Variants in LRRC4C observed in about 807,000 individuals in gnomAD.
The protein encoded by LRRC4C is leucine-rich repeat-containing protein 4C.
A neutral mutation model predicts 33.6 loss-of-function variants in LRRC4C; 5 were observed. The observed-to-expected ratio is 0.15, with a 90% confidence interval of 0.08 to 0.31. The LOEUF is 0.31. LRRC4C is among the 10% of genes least tolerant of loss of function. LRRC4C has a pLI of 1.00. For missense variants in LRRC4C, 560 were observed against 796.7 expected (o/e 0.70, Z 3.58); for synonymous variants, 329 against 302.0 (o/e 1.09, Z -0.93).
chr11:40,859,804 C>T (rs1268224229), intron 2 of LRRC4C, among the ~76,000 whole-genome samples: 3 of 152,104 alleles, frequency 2.0e-5, no homozygotes, highest in Non-Finnish European at 2.9e-5. Context: ...AGGCCGGACG[C>T]GGTGGCTCAC....
rs189246475 is a variant in LRRC4C at position 40,304,040 on chromosome 11, C to T, written c.-176+15588G>A. 3.0e-3 allele frequency among the ~76,000 whole-genome samples: 463 copies of T among 152,274 alleles called. 2 individuals carry two copies. Among genetic ancestry groups the T allele is most frequent in the Non-Finnish European group, 5.1e-3 (344 of 68,020 alleles). ...TCTTACAAACACTTGCTCAAAGGTT[C>T]CTTTTGCAGTAAAATACAACATTGA... On this transcript the variant is annotated intron_variant, in intron 4 of 6. Transcript: ENST00000528697.
intron 5 of LRRC4C, among the ~76,000 whole-genome samples, chr11:40,188,924 C>T (rs1013453846): frequency 3.3e-5 from 5 of 152,194 alleles, no homozygotes; most frequent in African/African-American, 1.2e-4. Context: ...TAAATTTTGG[C>T]ATTAAATTAC....
intron 2 of LRRC4C, among the ~76,000 whole-genome samples, chr11:40,876,564 T>A (rs1954902290): frequency 6.6e-6 from 1 of 152,072 alleles, no homozygotes; most frequent in Admixed American, 6.6e-5. Flanking sequence ...GTTTTGTGAC[T>A]CATCCTGTGT....
At chr11:40,358,236 A>G (rs999749818) in intron 3 of LRRC4C, among the ~76,000 whole-genome samples, 2 of 152,070 alleles carry the variant, frequency 1.3e-5, no homozygotes, top group African/African-American at 4.8e-5. Context: ...GGAAATAGAG[A>G]GAAGTAAGGC....
intron 2 of LRRC4C, among the ~76,000 whole-genome samples, chr11:40,843,687 C>G (rs879624187): frequency 3.3e-5 from 5 of 152,124 alleles, no homozygotes; most frequent in Non-Finnish European, 7.4e-5. Flanking sequence ...ATTCCTAAAC[C>G]ATTTATTCCA....
intron 3 of LRRC4C, among the ~76,000 whole-genome samples, chr11:40,449,781 A>G (rs1424598437): frequency 6.6e-6 from 1 of 152,206 alleles, no homozygotes; most frequent in Non-Finnish European, 1.5e-5. Flanking sequence ...TTGAAATTAC[A>G]TGTTTGAACA....
chr11:41,069,903 T>C (rs1438488432), intron 1 of LRRC4C, among the ~76,000 whole-genome samples: 1 of 152,024 alleles, frequency 6.6e-6, no homozygotes, highest in Non-Finnish European at 1.5e-5. Flanking sequence ...CTTCACAGAA[T>C]TAGAAAAAAA....
chr11:40,776,206 G>A (rs1196712139), intron 2 of LRRC4C, among the ~76,000 whole-genome samples: 1 of 151,684 alleles, frequency 6.6e-6, no homozygotes, highest in Non-Finnish European at 1.5e-5. Flanking sequence ...TTGCATCTGT[G>A]TTCATCAGAA....
chr11:41,169,200 T>C (rs1000997554), intron 1 of LRRC4C, among the ~76,000 whole-genome samples: 3 of 152,218 alleles, frequency 2.0e-5, no homozygotes, highest in African/African-American at 7.2e-5. Flanking sequence ...TTCAAAACAT[T>C]GCTTATGCCA....
intron 5 of LRRC4C, among the ~76,000 whole-genome samples, chr11:40,195,579 G>A (rs1412071610): frequency 6.6e-6 from 1 of 151,940 alleles, no homozygotes; most frequent in Non-Finnish European, 1.5e-5. Context: ...GGGGAAAAGG[G>A]AGAAATTGTT....
chr11:40,862,918 C>T (rs2135861991), intron 2 of LRRC4C, among the ~76,000 whole-genome samples: 2 of 152,274 alleles, frequency 1.3e-5, no homozygotes, highest in South Asian at 4.1e-4. Flanking sequence ...GGAGGAAGAT[C>T]TTATTTCTTT....
chr11:40,798,691 T>G (rs1479632765), intron 2 of LRRC4C, among the ~76,000 whole-genome samples: 1 of 151,088 alleles, frequency 6.6e-6, no homozygotes, highest in Non-Finnish European at 1.5e-5. Flanking sequence ...CTGCCCAGGC[T>G]GGAGTACAAT....
chr11:40,521,797 A>G (rs903140282), intron 3 of LRRC4C, among the ~76,000 whole-genome samples: 2 of 152,068 alleles, frequency 1.3e-5, no homozygotes, highest in African/African-American at 2.4e-5. Flanking sequence ...TGAACCTGGG[A>G]GCTGGAAATT....
Position 40,786,338 on chromosome 11 carries a change from A to G in LRRC4C, c.-406-138060T>C, listed in dbSNP as rs1189281891. Among the ~76,000 whole-genome samples the G allele has an allele frequency of 5.3e-5, 8 of 152,314 alleles. No homozygotes were observed. In the East Asian group the frequency reaches 1.4e-3, roughly 26 times the overall value. On this transcript the variant is annotated intron_variant, in intron 2 of 6. Coordinates refer to ENST00000528697, the MANE Select transcript of LRRC4C (RefSeq NM_001258419.2). ...TATGACTTGAGCAGATGCTTGAGAT[A>G]TGCTTGTGCAGTTGAGCTTGCCATA... is the stretch of plus-strand genomic sequence containing the variant.
intron 1 of LRRC4C, among the ~76,000 whole-genome samples, chr11:41,264,769 G>A (rs139169879): frequency 4.9e-4 from 75 of 152,236 alleles, no homozygotes; most frequent in African/African-American, 1.7e-3. Context: ...TAGAAAGAGA[G>A]GATAGACATA....
intron 1 of LRRC4C, among the ~76,000 whole-genome samples, chr11:41,210,831 G>A (rs751694338): frequency 6.6e-6 from 1 of 152,166 alleles, no homozygotes; most frequent in Non-Finnish European, 1.5e-5. Context: ...ACTGATTTCA[G>A]GGAAGGTAAT....
intron 2 of LRRC4C, among the ~76,000 whole-genome samples, chr11:40,812,075 T>C (rs1443207526): frequency 9.9e-5 from 15 of 152,226 alleles, no homozygotes; most frequent in Non-Finnish European, 5.9e-5. Context: ...TTGTAAGTAC[T>C]GCCCAGTTTA....
At chr11:40,119,094 C>T (rs1855641020) in intron 6 of LRRC4C, among the ~76,000 whole-genome samples, 1 of 152,066 alleles carries the variant, frequency 6.6e-6, no homozygotes, top group Non-Finnish European at 1.5e-5. Flanking sequence ...GTGGTGAGAT[C>T]CCCAGTGAGA....
chr11:41,153,833 A>G (rs1417007755), intron 1 of LRRC4C, among the ~76,000 whole-genome samples: 1 of 152,122 alleles, frequency 6.6e-6, no homozygotes, highest in Non-Finnish European at 1.5e-5. Flanking sequence ...AGATGTGAGT[A>G]AGGGTCTTGA....
Sources: allele counts gnomAD v4.1 joint callset (sites outside exome capture counted in the v4.1 genomes callset), GRCh38; gene constraint gnomAD v4.1.1; transcripts MANE v1.5; gene names NCBI Gene and HGNC (gene_info 2026-07-23, HGNC 2026-07-21).